Variants in PALLD observed in about 807,000 individuals in gnomAD.
PALLD encodes palladin.
In PALLD, 61 loss-of-function variants were observed where a neutral mutation model predicts 123.5. The observed-to-expected ratio is 0.49, with a 90% CI of 0.40 to 0.61. PALLD has a LOEUF of 0.61. Among genes scored for constraint, PALLD ranks in the 20% least tolerant of loss-of-function variants. The pLI, the probability that PALLD is intolerant of heterozygous loss-of-function variation, is 0.00. For missense variants in PALLD, 1,273 were observed against 1,377.0 expected, an observed-to-expected ratio of 0.92 and a Z score of 1.20; for synonymous variants, 465 against 496.4, an observed-to-expected ratio of 0.94 and a Z score of 0.84.
In PALLD at chr4:168,878,051, A is replaced by G; in HGVS notation, c.1965-12871A>G. The stretch of plus-strand genomic sequence containing the variant: ...CAGCTCGTCCAGCCTCCCGTCGCCC[A>G]TGTCCCCGACGCCGAGGCAGTTCGG... On this transcript the variant is annotated intron_variant, in intron 10 of 21. Transcript: ENST00000505667. 1.3e-6 allele frequency: 2 copies of G among 1,482,340 alleles called. No homozygotes were observed. Among genetic ancestry groups the G allele is most frequent in the South Asian group, 2.5e-5 (2 of 78,912 alleles). 91.8% of individuals were successfully genotyped at this position (1,482,340 alleles called of 1,614,324 possible). A position where few individuals can be genotyped will look rare whatever the true frequency, so the allele number is the denominator to read the frequency against.
intron 10 of PALLD, among the ~76,000 whole-genome samples, chr4:168,877,154 G>C (rs1056649351): frequency 6.6e-6 from 1 of 152,160 alleles, no homozygotes; most frequent in Admixed American, 6.5e-5. Context: ...CTAAAATTTT[G>C]CATAAAGACT....
At chr4:168,772,602 A>T (rs1734601937) in intron 10 of PALLD, among the ~76,000 whole-genome samples, 1 of 152,170 alleles carries the variant, frequency 6.6e-6, no homozygotes, top group African/African-American at 2.4e-5. Context: ...TATTCTGTGA[A>T]TGATAGAGGT....
chr4:168,908,629 A>G (rs1758300787), intron 15 of PALLD, among the ~76,000 whole-genome samples: 2 of 152,310 alleles, frequency 1.3e-5, no homozygotes, highest in African/African-American at 2.4e-5. Flanking sequence ...TTGAAATTTT[A>G]AAGTTATTTG....
At chr4:168,607,343 G>A (rs1177552875) in intron 2 of PALLD, among the ~76,000 whole-genome samples, 1 of 152,090 alleles carries the variant, frequency 6.6e-6, no homozygotes, top group East Asian at 1.9e-4. Flanking sequence ...AATGACAGAG[G>A]GAACTGGGAA....
intron 10 of PALLD, among the ~76,000 whole-genome samples, chr4:168,836,044 G>C (rs1745136614): frequency 6.6e-6 from 1 of 152,224 alleles, no homozygotes; most frequent in South Asian, 2.1e-4. Flanking sequence ...TTCCTGCTCA[G>C]TCAGTGTTAG....
intron 17 of PALLD, among the ~76,000 whole-genome samples, chr4:168,918,339 T>TATATATAC (rs754737860): frequency 1.4e-5 from 2 of 147,124 alleles, no homozygotes; most frequent in Admixed American, 6.8e-5. Context: ...TATATATATA[T>TATATATAC]ACATACATAC....
chr4:168,600,095 G>A (rs1772466363), intron 2 of PALLD, among the ~76,000 whole-genome samples: 1 of 115,844 alleles, frequency 8.6e-6, no homozygotes, highest in African/African-American at 2.8e-5. Context: ...ATACATGCAT[G>A]TGTATGCACA....
chr4:168,651,282 C>CT (rs1372869729), intron 2 of PALLD, among the ~76,000 whole-genome samples: 1 of 152,140 alleles, frequency 6.6e-6, no homozygotes, highest in East Asian at 1.9e-4. Context: ...GTTCTTTTAG[C>CT]TTTTAACATT....
chr4:168,823,668 G>A lies in PALLD; in HGVS notation c.1965-67254G>A, dbSNP rs114280165. 2.4e-3 allele frequency among the ~76,000 whole-genome samples: 371 copies of A among 152,036 alleles called. 1 individual carries two copies. The highest frequency in any genetic ancestry group is 8.4e-3 in the African/African-American group (349 of 41,480). Reference sequence around the variant, plus strand: ...GCACTCCATCCTGGGCAACAGAGCAGGACCCATTTCAAAAAAAAAGAAATC... The same window carrying A: ...GCACTCCATCCTGGGCAACAGAGCAAGACCCATTTCAAAAAAAAAGAAATC... On this transcript the variant is annotated intron_variant, in intron 10 of 21. Coordinates refer to ENST00000505667, the MANE Select transcript of PALLD (RefSeq NM_001166108.2).
intron 2 of PALLD, among the ~76,000 whole-genome samples, chr4:168,570,060 A>G (rs1444057105): frequency 6.6e-6 from 1 of 152,090 alleles, no homozygotes; most frequent in Non-Finnish European, 1.5e-5. Context: ...TATCGTTGTA[A>G]TTCAACAGGG....
chr4:168,820,837 C>T (rs1326687221), intron 10 of PALLD, among the ~76,000 whole-genome samples: 1 of 151,996 alleles, frequency 6.6e-6, no homozygotes, highest in Non-Finnish European at 1.5e-5. Flanking sequence ...ACAGATAACT[C>T]CAAAAATTAC....
chr4:168,836,234 C>T (rs1045679574), intron 10 of PALLD, among the ~76,000 whole-genome samples: 2 of 152,228 alleles, frequency 1.3e-5, no homozygotes, highest in African/African-American at 4.8e-5. Flanking sequence ...GTTAGCCCAA[C>T]TGCCAAAGCT....
At chr4:168,714,903 TAC>T (rs1161559533) in intron 10 of PALLD, among the ~76,000 whole-genome samples, 1 of 150,832 alleles carries the variant, frequency 6.6e-6, no homozygotes, top group African/African-American at 2.4e-5. Flanking sequence ...ATAGCTCCAA[TAC>T]TGATTGCGGG....
rs571594446 is a variant in PALLD, at chr4:168,767,727, A to G, written c.1964+55804A>G. On this transcript the variant is annotated intron_variant, in intron 10 of 21. Transcript: ENST00000505667. ...CACACCTGGCTAATTTTGTATTTTT[A>G]GTAGAGATGGGGTTTCTCTATGTTG... Among the ~76,000 whole-genome samples the G allele has an allele frequency of 2.7e-4, 41 of 152,168 alleles. 1 individual carries two copies. Among genetic ancestry groups the G allele is most frequent in the Admixed American group, 3.9e-4 (6 of 15,286 alleles).
chr4:168,690,141 A>G lies in PALLD; in HGVS notation c.1336-462A>G, dbSNP rs561018245. Among the ~76,000 whole-genome samples the G allele has an allele frequency of 1.1e-4, 17 of 152,366 alleles. No individual in the cohort carries two copies. The South Asian group carries it at 3.1e-3, about 28-fold the overall frequency. On this transcript the variant is annotated intron_variant, in intron 6 of 21. Coordinates refer to ENST00000505667, the MANE Select transcript of PALLD (RefSeq NM_001166108.2). ...GAAACTAGTCAGGCAGAGGTGGTAC[A>G]TGAAAAGGCTGAGGCATGTGAAAAC...
chr4:168,502,114 C>G (rs1761469674), intron 1 of PALLD, among the ~76,000 whole-genome samples: 1 of 152,140 alleles, frequency 6.6e-6, no homozygotes, highest in Non-Finnish European at 1.5e-5. Context: ...GTGCCTAGCA[C>G]ATAGTAGGCA....
Position 168,848,150 on chromosome 4 carries a change from T to TCCCAC in PALLD, c.1965-42748_1965-42744dup, listed in dbSNP as rs544116092. 5.4e-3 allele frequency among the ~76,000 whole-genome samples: 608 copies of TCCCAC among 113,168 alleles called. 5 individuals carry two copies. The highest frequency in any genetic ancestry group is 0.019 in the African/African-American group (544 of 28,574). 74.2% of individuals were successfully genotyped at this position (113,168 alleles called of 152,430 possible). ...GCCTCCTCCGGCAACCCTACCCCCGTCCCACCCCACCCCACCCCACCCCAC... is the reference window on the plus strand; with the variant it reads ...GCCTCCTCCGGCAACCCTACCCCCGTCCCACCCCACCCCACCCCACCCCACCCCAC... On this transcript the variant is annotated intron_variant, in intron 10 of 21. Transcript: ENST00000505667.
At chr4:168,560,005 T>A (rs1395477492) in intron 2 of PALLD, among the ~76,000 whole-genome samples, 1 of 152,188 alleles carries the variant, frequency 6.6e-6, no homozygotes, top group Non-Finnish European at 1.5e-5. Context: ...TTTGAGTTCA[T>A]ATGAAATTCA....
intron 2 of PALLD, among the ~76,000 whole-genome samples, chr4:168,634,763 G>T (rs1019244560): frequency 2.0e-5 from 3 of 152,178 alleles, no homozygotes; most frequent in Non-Finnish European, 4.4e-5. Flanking sequence ...GTAGCGTAAA[G>T]AAAATATATT....
Sources: gnomAD v4.1 joint callset for allele counts (sites outside exome capture counted in the v4.1 genomes callset) on GRCh38, gnomAD v4.1.1 for gene constraint, MANE v1.5 for transcripts, NCBI Gene and HGNC (gene_info 2026-07-23, HGNC 2026-07-21) for gene names.